The following IGSF21 variants were observed in gnomAD, a reference collection of about 807,000 sequenced individuals.
IGSF21 encodes immunoglobin superfamily member 21.
In IGSF21, 28 loss-of-function variants were observed where a neutral mutation model predicts 46.8. The ratio of observed to expected loss-of-function variants is 0.60; its 90% CI spans 0.44 to 0.82. The LOEUF (loss-of-function observed/expected upper bound fraction) is 0.82. IGSF21 is among the 40% of genes least tolerant of loss of function. The pLI, the probability that IGSF21 is intolerant of heterozygous loss-of-function variation, is 0.00. For missense variants in IGSF21, 624 were observed against 665.5 expected (o/e 0.94, Z 0.69); for synonymous variants, 284 against 273.6 (o/e 1.04, Z -0.38).
chr1:18,336,596 G>A (rs887763862), intron 4 of IGSF21, among the ~76,000 whole-genome samples: 7 of 151,990 alleles, frequency 4.6e-5, no homozygotes, highest in South Asian at 2.1e-4. Flanking sequence ...AAGACACTGC[G>A]CTAAGGCCTC....
At chr1:18,164,005 C>T (rs141198821) in intron 1 of IGSF21, among the ~76,000 whole-genome samples, 7 of 152,206 alleles carry the variant, frequency 4.6e-5, no homozygotes, top group South Asian at 2.1e-4. Context: ...CCACAATGAA[C>T]GTGAAAAGAA....
At chr1:18,302,447 T>C (rs1430753481) in intron 3 of IGSF21, among the ~76,000 whole-genome samples, 1 of 152,164 alleles carries the variant, frequency 6.6e-6, no homozygotes, top group Non-Finnish European at 1.5e-5. Flanking sequence ...CCTAACTCTC[T>C]CCACCTCCTG....
chr1:18,176,811 GCTCC>G (rs1412915017), intron 1 of IGSF21, among the ~76,000 whole-genome samples: 1 of 152,188 alleles, frequency 6.6e-6, no homozygotes, highest in African/African-American at 2.4e-5. Context: ...AACGTTGTCA[GCTCC>G]CTTGGGGATT....
intron 1 of IGSF21, among the ~76,000 whole-genome samples, chr1:18,221,967 C>T (rs1028765468): frequency 1.5e-4 from 23 of 152,134 alleles, no homozygotes; most frequent in Non-Finnish European, 3.4e-4. Flanking sequence ...ATCAAGCTCC[C>T]TTCTCATTTT....
chr1:18,113,400 CCCTGTT>C (rs368138074), intron 1 of IGSF21: 6 of 152,236 alleles, frequency 3.9e-5, no homozygotes, highest in African/African-American at 1.4e-4. Context: ...GAGATGCAGG[CCCTGTT>C]CAGTCACCTC....
At chr1:18,247,090 G>A (rs964472012) in intron 2 of IGSF21, among the ~76,000 whole-genome samples, 18 of 138,456 alleles carry the variant, frequency 1.3e-4, no homozygotes, top group African/African-American at 3.4e-4. Flanking sequence ...TTGCTCTGTC[G>A]CCCAGGCTGG....
chr1:18,297,211 G>T (rs1178939058), intron 3 of IGSF21, among the ~76,000 whole-genome samples: 2 of 152,152 alleles, frequency 1.3e-5, no homozygotes, highest in African/African-American at 2.4e-5. Flanking sequence ...CCAACCCTGG[G>T]CATGTGGTAG....
intron 3 of IGSF21, among the ~76,000 whole-genome samples, chr1:18,332,639 G>C (rs774315212): frequency 4.6e-5 from 7 of 152,140 alleles, no homozygotes; most frequent in Non-Finnish European, 1.0e-4. Context: ...GTCCCCTGCT[G>C]TTCCCATGTC....
chr1:18,148,633 G>A (rs1233957332), intron 1 of IGSF21, among the ~76,000 whole-genome samples: 1 of 152,158 alleles, frequency 6.6e-6, no homozygotes, highest in Non-Finnish European at 1.5e-5. Flanking sequence ...GGTCTCTTTT[G>A]TTTCCTGCTG....
intron 1 of IGSF21, among the ~76,000 whole-genome samples, chr1:18,187,531 G>C (rs1169262795): frequency 1.3e-5 from 2 of 152,110 alleles, no homozygotes; most frequent in Non-Finnish European, 2.9e-5. Context: ...CAAATTTCAC[G>C]AGACTTAATC....
At chr1:18,207,948 G>A (rs941006113) in intron 1 of IGSF21, among the ~76,000 whole-genome samples, 2 of 152,094 alleles carry the variant, frequency 1.3e-5, no homozygotes, top group East Asian at 1.9e-4. Context: ...GATACAGAAG[G>A]GCTGTACACT....
intron 1 of IGSF21, among the ~76,000 whole-genome samples, chr1:18,173,880 A>G (rs2086768275): frequency 6.6e-6 from 1 of 152,128 alleles, no homozygotes; most frequent in Non-Finnish European, 1.5e-5. Flanking sequence ...CAGCCACCTG[A>G]GTAGCTGGGA....
intron 2 of IGSF21, among the ~76,000 whole-genome samples, chr1:18,286,358 C>T (rs529839103): frequency 6.6e-6 from 1 of 152,266 alleles, no homozygotes; most frequent in South Asian, 2.1e-4. Flanking sequence ...CTGTGCTAGG[C>T]TCTGGGATAC....
At chr1:18,358,864 G>A (rs1302267650) in intron 4 of IGSF21, among the ~76,000 whole-genome samples, 1 of 152,152 alleles carries the variant, frequency 6.6e-6, no homozygotes, top group Non-Finnish European at 1.5e-5. Flanking sequence ...CACCTCCTTA[G>A]CCATTGTCCT....
At chr1:18,231,262 T>C (rs1253826058) in intron 2 of IGSF21, among the ~76,000 whole-genome samples, 2 of 152,220 alleles carry the variant, frequency 1.3e-5, no homozygotes, top group Non-Finnish European at 2.9e-5. Context: ...GAAAACATCA[T>C]GAATGCATTG....
At position 18,371,743 on chromosome 1, in the gene IGSF21, T is replaced by A. The variant is rs578043871; in HGVS notation, c.1016-4567T>A. Reference sequence around the variant, plus strand: ...TGGAAGGAGGCCTCTGCTCGAGTCCTCTACTCAGAGGGTCCTTCCTTGAAC... The same window carrying A: ...TGGAAGGAGGCCTCTGCTCGAGTCCACTACTCAGAGGGTCCTTCCTTGAAC... On this transcript the variant is annotated intron_variant, in intron 6 of 9. Coordinates refer to ENST00000251296, the MANE Select transcript of IGSF21 (RefSeq NM_032880.5). Among the ~76,000 whole-genome samples, 7 of 152,312 alleles carry A rather than the reference T, an allele frequency of 4.6e-5. No individual in the cohort carries two copies. In the East Asian group the frequency reaches 1.2e-3, roughly 25 times the overall value.
chr1:18,359,386 G>GAAAGAAAGAAAGAAA (rs1399252603), intron 4 of IGSF21, among the ~76,000 whole-genome samples: 1 of 57,854 alleles, frequency 1.7e-5, no homozygotes, highest in African/African-American at 6.5e-5. Flanking sequence ...AAGAAAGAAA[G>GAAAGAAAGAAAGAAA]GAAGGAAGGA....
chr1:18,179,116 GGGGT>G (rs1446435679), intron 1 of IGSF21: 4 of 152,388 alleles, frequency 2.6e-5, no homozygotes, highest in African/African-American at 9.6e-5. Context: ...AGCCAGCTGT[GGGGT>G]GGGACTACGG....
intron 1 of IGSF21, among the ~76,000 whole-genome samples, chr1:18,148,223 T>A (rs2086488403): frequency 6.9e-6 from 1 of 145,372 alleles, no homozygotes; most frequent in South Asian, 2.3e-4. Flanking sequence ...CTCCGCCTCC[T>A]GGGTTCACGC....
Sources: allele counts gnomAD v4.1 joint callset (sites outside exome capture counted in the v4.1 genomes callset), GRCh38; gene constraint gnomAD v4.1.1; transcripts MANE v1.5; gene names NCBI Gene and HGNC (gene_info 2026-07-23, HGNC 2026-07-21).